The following ADAM11 variants were observed in gnomAD, a reference collection of about 807,000 sequenced individuals.
The protein encoded by ADAM11 is ADAM metallopeptidase domain 11.
In ADAM11, 49 loss-of-function variants were observed where a neutral mutation model predicts 119.1. The ratio of observed to expected loss-of-function variants is 0.41; its 90% CI spans 0.33 to 0.52. The LOEUF is 0.52. ADAM11 is among the 20% of genes least tolerant of loss of function. ADAM11 has a pLI of 0.20. For missense variants in ADAM11, 777 were observed against 1,047.5 expected, an observed-to-expected ratio of 0.74 and a Z score of 3.56; for synonymous variants, 364 against 408.0, an observed-to-expected ratio of 0.89 and a Z score of 1.30.
At position 44,781,237 on chromosome 17, in the gene ADAM11, C is replaced by A. The variant is rs565853724; in HGVS notation, c.*1483C>A. The stretch of plus-strand genomic sequence containing the variant: ...TTCGAGGAGGCGTTGTGGAGGGCAT[C>A]GCCCCCTGTTTATTCACAACACCCT... On this transcript the variant is annotated 3_prime_UTR_variant, in exon 27 of 27. Coordinates refer to ENST00000200557, the MANE Select transcript of ADAM11 (RefSeq NM_002390.6). 1.3e-5 allele frequency: 2 copies of A among 152,286 alleles called. No homozygotes were observed. Among genetic ancestry groups the A allele is most frequent in the East Asian group, 3.9e-4 (2 of 5,174 alleles). The allele number at this position is 152,286 out of a possible 1,614,324, so 9.4% of individuals were successfully genotyped here.
Position 44,771,903 on chromosome 17 carries a change from C to T in ADAM11, c.543+72C>T, listed in dbSNP as rs964695947. The T allele has an allele frequency of 4.2e-5, 64 of 1,514,776 alleles. No individual in the cohort carries two copies. The African/African-American group carries it at 8.2e-4, about 19-fold the overall frequency. 93.8% of individuals were successfully genotyped at this position (1,514,776 alleles called of 1,614,324 possible). ...AGCTTGTCCCAACAGCTGTTGCTGC[C>T]ACCTCTTCCTCCTCCGGCTCCTCCC... On this transcript the variant is annotated intron_variant, in intron 6 of 26. Coordinates refer to ENST00000200557, the MANE Select transcript of ADAM11 (RefSeq NM_002390.6).
In ADAM11 at chr17:44,771,336, C is replaced by T. The variant is rs73303584; in HGVS notation, c.382-248C>T. ...AAAAACCATTGCTACAGTCCAGCTT[C>T]CTCATTTTATAGATGACGTGAAGGA... On this transcript the variant is annotated intron_variant, in intron 4 of 26. Transcript: ENST00000200557. 2.9e-3 allele frequency among the ~76,000 whole-genome samples: 440 copies of T among 151,730 alleles called. 3 individuals are homozygous for T. The highest frequency in any genetic ancestry group is 9.9e-3 in the African/African-American group (411 of 41,344).
At position 44,779,886 on chromosome 17, in the gene ADAM11, G is replaced by A. The variant is rs752936132; in HGVS notation, c.*132G>A. The A allele has an allele frequency of 8.3e-6, 11 of 1,324,262 alleles. No homozygotes were observed. Among genetic ancestry groups the A allele is most frequent in the African/African-American group, 1.5e-5 (1 of 68,540 alleles). 82.0% of individuals were successfully genotyped at this position (1,324,262 alleles called of 1,614,324 possible). A position where few individuals can be genotyped will look rare whatever the true frequency, so the allele number is the denominator to read the frequency against. ...TCCAAACCCTTCAACTCCTGGCTCC[G>A]CAGGGGTTTGGGTGGGGGCTGTGGC... On this transcript the variant is annotated 3_prime_UTR_variant, in exon 27 of 27. Transcript: ENST00000200557.
chr17:44,777,662 A>G lies in ADAM11; in HGVS notation c.1902-33A>G, dbSNP rs371823471. ...GCAGCTGTGCTGGGGGTTAGGAGAC[A>G]GGGGGCTGAGGCTGGCTGTGTCACT... On this transcript the variant is annotated intron_variant, in intron 22 of 26. Coordinates refer to ENST00000200557, the MANE Select transcript of ADAM11 (RefSeq NM_002390.6). The surrounding 1 kb of genome is among the most constrained non-coding windows in gnomAD (Gnocchi z 5.1). 10 of 1,613,372 alleles carry G rather than the reference A, an allele frequency of 6.2e-6. No individual in the cohort carries two copies. Among genetic ancestry groups the G allele is most frequent in the Non-Finnish European group, 8.5e-6 (10 of 1,179,498 alleles).
Position 44,776,778 on chromosome 17 carries a change from T to C in ADAM11, c.1600T>C (p.Tyr534His), listed in dbSNP as rs752499358. 2.5e-6 allele frequency: 4 copies of C among 1,614,168 alleles called. No homozygotes were observed. In the South Asian group the frequency reaches 3.3e-5, roughly 13 times the overall value. Residue 534 changes from tyrosine to histidine, a missense_variant, in exon 19 of 27, where the codon TAC becomes CAC. Coordinates refer to ENST00000200557, the MANE Select transcript of ADAM11 (RefSeq NM_002390.6). This position sits in a 1 kb window ranked among gnomAD's most constrained non-coding sequence, Gnocchi z 5.2. ...PPNLHKLDGY[Y>H]CDHEQGRCYG... ...TAACCTGCACAAGCTGGACGGTTAC[T>C]ACTGTGACCATGAGCAGGTATGATG...
chr17:44,779,098 C>G, intron 25 of ADAM11, 124 bp from the exon 26 acceptor site: 1 of 1,285,366 alleles, frequency 7.8e-7, no homozygotes, highest in South Asian at 1.4e-5. Flanking sequence ...AGTGTCCAGG[C>G]CCCGGGGACC....
Position 44,779,232 on chromosome 17 carries a change from C to G in ADAM11, c.2287C>G (p.Arg763Gly). 6.3e-7 allele frequency: 1 copy of G among 1,584,134 alleles called. No homozygotes were observed. Among genetic ancestry groups the G allele is most frequent in the Non-Finnish European group, 8.6e-7 (1 of 1,168,426 alleles). ...ATCCTCCCCCTGCAGAAACATTCGC[C>G]GAGGAAGGTACGACCCGACCCAGCA... is the stretch of plus-strand genomic sequence containing the variant. ...GTGWGFKNIR[R>G]GRSGGA Residue 763 changes from arginine to glycine, a missense_variant, in exon 26 of 27, where the codon CGA (arginine) becomes GGA (glycine). Coordinates refer to ENST00000200557, the MANE Select transcript of ADAM11 (RefSeq NM_002390.6).
Position 44,777,174 on chromosome 17 carries a change from G to T in ADAM11, c.1690G>T (p.Asp564Tyr). 6.2e-7 allele frequency: 1 copy of T among 1,602,766 alleles called. No homozygotes were observed. Residue 564 changes from aspartate to tyrosine, a missense_variant, in exon 21 of 27, where the codon GAT becomes TAT. Around this residue, in one of 4 missense-constraint regions of ADAM11, gnomAD observed 348 missense variants for 486.7 expected, o/e 0.72. Transcript: ENST00000200557. This position sits in a 1 kb window ranked among gnomAD's most constrained non-coding sequence, Gnocchi z 5.1. ...GCATCCTCTCCCCACAGCGGCTGCT[G>T]ATCGCTTCTGCTACGAGAAGCTGAA... is the stretch of plus-strand genomic sequence containing the variant. ...CQVLWGHAAA[D>Y]RFCYEKLNVE...
In ADAM11 at chr17:44,779,797, C is replaced by A; in HGVS notation, c.*43C>A. On this transcript the variant is annotated 3_prime_UTR_variant, in exon 27 of 27. Transcript: ENST00000200557. ...CCAAGCCTGGCACCCACCGTCTCGG[C>A]CCTGAACCACGAGGCTGCCCCCATC... is the stretch of plus-strand genomic sequence containing the variant. The A allele has an allele frequency of 6.2e-7, 1 of 1,610,654 alleles. No homozygotes were observed. The highest frequency in any genetic ancestry group is 8.5e-7 in the Non-Finnish European group (1 of 1,177,632).
Position 44,776,132 on chromosome 17 carries a change from A to G in ADAM11, c.1491A>G (p.Glu497=). ...DGLCCRRCKY[E]PRGVSCREAV... is the part of the protein sequence containing the mutation. ...GGAGCGCGTCTCTTCCCTAGTACGA[A>G]CCACGGGGTGTGTCCTGCCGAGAGG... Residue 497 remains glutamate, a synonymous_variant, in exon 18 of 27, where the codon GAA becomes GAG. Transcript: ENST00000200557. The surrounding 1 kb of genome is among the most constrained non-coding windows in gnomAD (Gnocchi z 5.2). The G allele has an allele frequency of 6.2e-7, 1 of 1,613,570 alleles. No individual in the cohort carries two copies. Among genetic ancestry groups the G allele is most frequent in the Non-Finnish European group, 8.5e-7 (1 of 1,179,920 alleles).
At position 44,759,144 on chromosome 17, in the gene ADAM11, G is replaced by A; in HGVS notation, c.-56G>A. On this transcript the variant is annotated 5_prime_UTR_variant, in exon 1 of 27. Transcript: ENST00000200557. ...CCTCCCCACCCCCGTCCCTGCTCCC[G>A]CCCTCCCCGCGCCGCTGGCAGCCGC... The A allele has an allele frequency of 6.7e-6, 4 of 596,538 alleles. No homozygotes were observed. The highest frequency in any genetic ancestry group is 7.9e-6 in the Non-Finnish European group (4 of 503,742). 37.0% of individuals were successfully genotyped at this position (596,538 alleles called of 1,614,324 possible).
Position 44,780,072 on chromosome 17 carries a change from A to C in ADAM11, c.*318A>C. The C allele has an allele frequency of 1.5e-6, 1 of 662,408 alleles. No homozygotes were observed. The highest frequency in any genetic ancestry group is 2.8e-6 in the Non-Finnish European group (1 of 358,580). The allele number at this position is 662,408 out of a possible 1,614,324, so 41.0% of individuals were successfully genotyped here. A position where few individuals can be genotyped will look rare whatever the true frequency, so the allele number is the denominator to read the frequency against. ...GCTCAACTCGGGGGCGCCTGGAGGG[A>C]TGCCCCCAGGCAGCCACCAGTGGAC... On this transcript the variant is annotated 3_prime_UTR_variant, in exon 27 of 27. Coordinates refer to ENST00000200557, the MANE Select transcript of ADAM11 (RefSeq NM_002390.6).
rs2145241215 is a variant in ADAM11 at position 44,776,681 on chromosome 17, C to T, written c.1567-64C>T. ...GGCACTTGGTACCCCAGCATTCCTC[C>T]CTGGGGCAGCCCTCAGCTCCAGTCC... On this transcript the variant is annotated intron_variant, in intron 18 of 26. Transcript: ENST00000200557. This position sits in a 1 kb window ranked among gnomAD's most constrained non-coding sequence, Gnocchi z 5.2. 3 of 1,586,168 alleles carry T rather than the reference C, an allele frequency of 1.9e-6. No homozygotes were observed. The South Asian group carries it at 3.4e-5, about 18-fold the overall frequency.
At position 44,771,279 on chromosome 17, in the gene ADAM11, G is replaced by A. The variant is rs143463171; in HGVS notation, c.382-305G>A. Among the ~76,000 whole-genome samples the A allele has an allele frequency of 1.6e-3, 221 of 142,118 alleles. 4 individuals are homozygous for A. In the East Asian group the frequency reaches 0.031, roughly 20 times the overall value. 93.2% of individuals were successfully genotyped at this position (142,118 alleles called of 152,430 possible). ...CACACCACTGCACTCCAGCTTGAGC[G>A]ACAGCAAGACCCTGTCTCAAAAAAA... On this transcript the variant is annotated intron_variant, in intron 4 of 26. Coordinates refer to ENST00000200557, the MANE Select transcript of ADAM11 (RefSeq NM_002390.6).
Position 44,777,041 on chromosome 17 carries a change from A to T in ADAM11, c.1681+79A>T. ...GCTGGGGAGAGTGGGTTCCAGCTGA[A>T]CAGGCCCCCAAGTGTGTAGCTCCCC... On this transcript the variant is annotated intron_variant, in intron 20 of 26. Coordinates refer to ENST00000200557, the MANE Select transcript of ADAM11 (RefSeq NM_002390.6). This position sits in a 1 kb window ranked among gnomAD's most constrained non-coding sequence, Gnocchi z 5.1. 6.4e-7 allele frequency: 1 copy of T among 1,561,086 alleles called. No individual in the cohort carries two copies. The highest frequency in any genetic ancestry group is 8.7e-7 in the Non-Finnish European group (1 of 1,145,954).
At position 44,778,157 on chromosome 17, in the gene ADAM11, A is replaced by G; in HGVS notation, c.2191A>G (p.Ser731Gly). 6.2e-7 allele frequency: 1 copy of G among 1,613,696 alleles called. No individual in the cohort carries two copies. The highest frequency in any genetic ancestry group is 8.5e-7 in the Non-Finnish European group (1 of 1,179,796). Residue 731 changes from serine to glycine, a missense_variant, in exon 25 of 27, where the codon AGC becomes GGC. Physicochemically the swap from Ser to Gly is moderately conservative, Grantham distance 56. Around this residue, in one of 4 missense-constraint regions of ADAM11, gnomAD observed 348 missense variants for 486.7 expected, o/e 0.72. Transcript: ENST00000200557. ...TGETERYKGP[S>G]GTNIIIGSIA... ...AGCCCTGCCATCCTCCCCAGGTCCC[A>G]GCGGCACCAACATCATCATTGGCTC...
rs1474329369 is a variant in ADAM11, at chr17:44,774,571, G to A, written c.1157G>A (p.Arg386Gln). 1 of 1,613,164 alleles carries A rather than the reference G, an allele frequency of 6.2e-7. No homozygotes were observed. Among genetic ancestry groups the A allele is most frequent in the Admixed American group, 1.7e-5 (1 of 59,944 alleles). Reference sequence around the variant, plus strand: ...CTGGGCATGATGTGGAACAAACACCGGAGCTCGGCAGGTATCCTCCCCCAG... The same window carrying A: ...CTGGGCATGATGTGGAACAAACACCAGAGCTCGGCAGGTATCCTCCCCCAG... ...QNLGMMWNKH[R>Q]SSAGDCKCPD... Residue 386 changes from arginine to glutamine, a missense_variant, in exon 13 of 27, where the codon CGG becomes CAG. Around this residue, in one of 4 missense-constraint regions of ADAM11, gnomAD observed 147 missense variants for 223.3 expected, o/e 0.66. Transcript: ENST00000200557.
chr17:44,771,545 C>G, intron 4 of ADAM11, 39 bp from the exon 5 acceptor site: 1 of 1,600,538 alleles, frequency 6.2e-7, no homozygotes, highest in Non-Finnish European at 8.5e-7. Context: ...CTGCCCCCGG[C>G]CTCATGCCAG....
intron 2 of ADAM11, among the ~76,000 whole-genome samples, chr17:44,769,339 C>A (rs939091290): frequency 3.3e-5 from 5 of 152,194 alleles, no homozygotes; most frequent in African/African-American, 1.2e-4. Flanking sequence ...TGGGGCCCTC[C>A]CGTTACTCTG....
Sources: allele counts gnomAD v4.1 joint callset (sites outside exome capture counted in the v4.1 genomes callset), GRCh38; gene constraint gnomAD v4.1.1; regional missense constraint gnomAD v4.1.1; non-coding constraint Gnocchi (gnomAD v3.1); transcripts MANE v1.5; gene names NCBI Gene and HGNC (gene_info 2026-07-23, HGNC 2026-07-21).